The following PPP2R2B variants were observed in gnomAD, a reference collection of about 807,000 sequenced individuals.
PPP2R2B encodes the protein serine/threonine-protein phosphatase 2A 55 kDa regulatory subunit B beta isoform.
A neutral mutation model predicts 46.0 loss-of-function variants in PPP2R2B; 5 were observed. That is an observed-to-expected ratio of 0.11 (90% CI 0.06 to 0.23). The LOEUF (loss-of-function observed/expected upper bound fraction) is 0.23, where lower values mean the gene tolerates loss of function less well. PPP2R2B is among the 10% of genes least tolerant of loss of function. The pLI, the probability that PPP2R2B is intolerant of heterozygous loss-of-function variation, is 1.00. For missense variants in PPP2R2B, 367 were observed against 575.0 expected (o/e 0.64, Z 3.70); for synonymous variants, 215 against 206.7 (o/e 1.04, Z -0.34).
chr5:147,052,759 A>G (rs1756893030), intron 1 of PPP2R2B, among the ~76,000 whole-genome samples: 1 of 151,980 alleles, frequency 6.6e-6, no homozygotes, highest in African/African-American at 2.4e-5. Context: ...AACCATAGAG[A>G]GGTTTTAAAT....
chr5:146,691,060 C>G, intron 5 of PPP2R2B, 68 bp downstream of exon 5: 1 of 1,397,042 alleles, frequency 7.2e-7, no homozygotes, highest in Non-Finnish European at 1.0e-6. Flanking sequence ...ACAGTAACAA[C>G]CAGCACATGG....
intron 1 of PPP2R2B, among the ~76,000 whole-genome samples, chr5:147,017,176 G>A (rs756540388): frequency 3.3e-5 from 5 of 151,568 alleles, no homozygotes; most frequent in East Asian, 2.1e-4. Flanking sequence ...TACAAGAGGC[G>A]ATGGAGTCAA....
At chr5:146,741,953 T>C (rs1239859378) in intron 2 of PPP2R2B, among the ~76,000 whole-genome samples, 1 of 152,196 alleles carries the variant, frequency 6.6e-6, no homozygotes, top group Non-Finnish European at 1.5e-5. Flanking sequence ...TTTGTGTTTG[T>C]GTAGGAAGAC....
At chr5:146,785,795 A>T in intron 2 of PPP2R2B, among the ~76,000 whole-genome samples, 1 of 152,216 alleles carries the variant, frequency 6.6e-6, no homozygotes, top group South Asian at 2.1e-4. Flanking sequence ...TGATATATGC[A>T]TGTTCTCACT....
intron 2 of PPP2R2B, among the ~76,000 whole-genome samples, chr5:146,827,893 T>C (rs319152): frequency 0.34 from 52,045 of 151,928 alleles, 9,582 homozygotes; most frequent in East Asian, 0.64. Context: ...GCCCTTTTTC[T>C]GTCGTCTTCC....
intron 5 of PPP2R2B, among the ~76,000 whole-genome samples, chr5:146,655,875 G>C (rs1776293030): frequency 6.6e-6 from 1 of 151,830 alleles, no homozygotes; most frequent in African/African-American, 2.4e-5. Flanking sequence ...AGGGCTTGAA[G>C]GGTGGGTGGG....
At chr5:146,867,233 C>T (rs539831709) in intron 2 of PPP2R2B, among the ~76,000 whole-genome samples, 8 of 152,240 alleles carry the variant, frequency 5.3e-5, no homozygotes, top group Non-Finnish European at 1.0e-4. Context: ...ATTGCTTCTG[C>T]GATATCTATG....
chr5:146,586,065 T>C lies in PPP2R2B; in HGVS notation c.*3882A>G, dbSNP rs944794359. 6.6e-6 allele frequency: 1 copy of C among 152,222 alleles called. No homozygotes were observed. Among genetic ancestry groups the C allele is most frequent in the Non-Finnish European group, 1.5e-5 (1 of 68,118 alleles). The allele number at this position is 152,222 out of a possible 1,614,324, so 9.4% of individuals were successfully genotyped here. A position where few individuals can be genotyped will look rare whatever the true frequency, so the allele number is the denominator to read the frequency against. The stretch of plus-strand genomic sequence containing the variant: ...GGATGAAGGCATGTTGGATGCACAG[T>C]GAATCAGGTTGCAGTGTGAATGTTT... On this transcript the variant is annotated 3_prime_UTR_variant, in exon 10 of 10. Coordinates refer to ENST00000394411, the MANE Select transcript of PPP2R2B (RefSeq NM_181675.4).
intron 2 of PPP2R2B, among the ~76,000 whole-genome samples, chr5:146,874,909 T>A (rs1399482815): frequency 3.9e-5 from 6 of 152,198 alleles, no homozygotes; most frequent in African/African-American, 1.4e-4. Context: ...TATAACCCCA[T>A]ACACACACTT....
In PPP2R2B at chr5:146,936,781, C is replaced by G. The variant is rs1764157071; in HGVS notation, c.79+118884G>C. 1.3e-5 allele frequency among the ~76,000 whole-genome samples: 2 copies of G among 151,864 alleles called. 1 individual carries two copies. The highest frequency in any genetic ancestry group is 1.3e-4 in the Admixed American group (2 of 15,252). On this transcript the variant is annotated intron_variant, in intron 1 of 8. Transcript: ENST00000336640. ...TGAGAATTTACTCCTTGCCAGGTAA[C>G]TGGGGATCATAGAAATAAAAGACAT...
chr5:146,678,269 T>C (rs1777885246), intron 5 of PPP2R2B, among the ~76,000 whole-genome samples: 1 of 151,560 alleles, frequency 6.6e-6, no homozygotes, highest in Non-Finnish European at 1.5e-5. Flanking sequence ...ATCCAGCATA[T>C]AAACAGAGCC....
intron 1 of PPP2R2B, among the ~76,000 whole-genome samples, chr5:146,976,223 T>C (rs1041425631): frequency 2.1e-4 from 32 of 151,774 alleles, no homozygotes; most frequent in African/African-American, 7.7e-4. Flanking sequence ...CTGCAACTTC[T>C]GCTTCCCGGG....
intron 2 of PPP2R2B, among the ~76,000 whole-genome samples, chr5:146,834,025 A>T (rs1322708559): frequency 1.3e-5 from 2 of 152,118 alleles, no homozygotes; most frequent in Non-Finnish European, 2.9e-5. Flanking sequence ...AAATGTTCTT[A>T]CTGCTTCTCC....
intron 2 of PPP2R2B, among the ~76,000 whole-genome samples, chr5:146,789,664 T>C (rs572803630): frequency 6.6e-6 from 1 of 151,840 alleles, no homozygotes; most frequent in Non-Finnish European, 1.5e-5. Context: ...ATCTAAGAAA[T>C]AGGACTGTAT....
Position 146,586,510 on chromosome 5 carries a change from G to A in PPP2R2B, c.*3437C>T, listed in dbSNP as rs1224456404. On this transcript the variant is annotated 3_prime_UTR_variant, in exon 10 of 10. Transcript: ENST00000394411. ...TCAAGTCCTTAGAAATTGGGCATTT[G>A]AGTGTGTACCTTTTATTATAATGGA... 1 of 152,194 alleles carries A rather than the reference G, an allele frequency of 6.6e-6. No individual in the cohort carries two copies. Among genetic ancestry groups the A allele is most frequent in the South Asian group, 2.1e-4 (1 of 4,822 alleles). The allele number at this position is 152,194 out of a possible 1,614,324, so 9.4% of individuals were successfully genotyped here. A position where few individuals can be genotyped will look rare whatever the true frequency, so the allele number is the denominator to read the frequency against.
rs1561743429 is a variant in PPP2R2B, at chr5:146,588,360, A to ATTC, written c.*1584_*1586dup. 1.3e-5 allele frequency: 2 copies of ATTC among 152,344 alleles called. No individual in the cohort carries two copies. Among genetic ancestry groups the ATTC allele is most frequent in the East Asian group, 3.9e-4 (2 of 5,192 alleles). The allele number at this position is 152,344 out of a possible 1,614,324, so 9.4% of individuals were successfully genotyped here. The stretch of plus-strand genomic sequence containing the variant: ...AGTAGCTTAGAATTGAGATAAAATG[A>ATTC]TTCTTTCACTATTTTTTCCTCCTCC... On this transcript the variant is annotated 3_prime_UTR_variant, in exon 10 of 10. Transcript: ENST00000394411.
chr5:146,903,937 T>C (rs1266159863), intron 1 of PPP2R2B, among the ~76,000 whole-genome samples: 1 of 152,204 alleles, frequency 6.6e-6, no homozygotes, highest in African/African-American at 2.4e-5. Context: ...TGATAGATTC[T>C]TCCCATTTCA....
At chr5:146,722,157 A>G (rs1005195802) in intron 2 of PPP2R2B, among the ~76,000 whole-genome samples, 1 of 152,070 alleles carries the variant, frequency 6.6e-6, no homozygotes, top group Non-Finnish European at 1.5e-5. Flanking sequence ...GCTATAAACC[A>G]CTCAACTTTA....
At chr5:146,688,756 T>C (rs544608493) in intron 5 of PPP2R2B, among the ~76,000 whole-genome samples, 3 of 152,208 alleles carry the variant, frequency 2.0e-5, no homozygotes, top group East Asian at 3.9e-4. Context: ...TAAGCACAGA[T>C]ATATGAAATC....
Sources: gnomAD v4.1 joint callset for allele counts (sites outside exome capture counted in the v4.1 genomes callset) on GRCh38, gnomAD v4.1.1 for gene constraint, MANE v1.5 for transcripts, NCBI Gene and HGNC (gene_info 2026-07-23, HGNC 2026-07-21) for gene names.